The following ANKS3 variants were observed in gnomAD, a reference collection of about 807,000 sequenced individuals.
ANKS3 encodes ankyrin repeat and SAM domain-containing protein 3.
In ANKS3, 62 loss-of-function variants were observed where a neutral mutation model predicts 80.7. The observed-to-expected ratio is 0.77, with a 90% CI of 0.63 to 0.95. The LOEUF is 0.95. Among genes scored for constraint, ANKS3 ranks in the 40% least tolerant of loss-of-function variants. ANKS3 has a pLI of 0.00. For synonymous variants in ANKS3, 489 were observed against 355.3 expected, an observed-to-expected ratio of 1.38 and a Z score of -4.23; for missense variants, 1,150 against 883.6, an observed-to-expected ratio of 1.30 and a Z score of -3.82.
chr16:4,729,106 T>A (rs959869559), intron 3 of ANKS3, among the ~76,000 whole-genome samples: 1 of 152,154 alleles, frequency 6.6e-6, no homozygotes, highest in Non-Finnish European at 1.5e-5. Flanking sequence ...GAGACGACCC[T>A]TTTCCAAAAA....
At chr16:4,730,658 A>T (rs2081568086) in intron 2 of ANKS3, among the ~76,000 whole-genome samples, 2 of 152,096 alleles carry the variant, frequency 1.3e-5, no homozygotes, top group South Asian at 2.1e-4. Context: ...CTTGAGGTCA[A>T]GAGTTCAAGA....
chr16:4,701,596 C>G, intron 9 of ANKS3, 53 bp from the exon 10 acceptor site: 1 of 1,515,160 alleles, frequency 6.6e-7, no homozygotes. Context: ...AGGTGCTGCG[C>G]ATGGGCGTGC....
At position 4,699,134 on chromosome 16, in the gene ANKS3, G is replaced by C; in HGVS notation, c.1327C>G (p.Leu443Val). The change falls in exon 12 of 18, where the codon CTG (leucine) becomes GTG (valine). Residue 443 changes from leucine (L) to valine (V), a missense_variant. Coordinates refer to ENST00000304283, the MANE Select transcript of ANKS3 (RefSeq NM_133450.4). ...LLEQIGCLKY[L>V]QVFEEQDVDL... is the part of the protein sequence containing the mutation. The stretch of plus-strand genomic sequence containing the variant: ...ACGTCCTGCTCCTCAAACACCTGCA[G>C]GTACTTCAGACACCCGATCTGCTCC... 5 of 1,614,150 alleles carry C rather than the reference G, an allele frequency of 3.1e-6. No homozygotes were observed. Among genetic ancestry groups the C allele is most frequent in the Non-Finnish European group, 4.2e-6 (5 of 1,180,040 alleles).
In ANKS3 at chr16:4,705,146, C is replaced by A. The variant is rs2080116646; in HGVS notation, c.817G>T (p.Ala273Ser). Reference sequence around the variant, plus strand: ...CCCAGGCCAATGCCTGTGATCCTGGCCAGGGCTCGCGGTCCCTCGTGGATG... The same window carrying A: ...CCCAGGCCAATGCCTGTGATCCTGGACAGGGCTCGCGGTCCCTCGTGGATG... ...VSIHEGPRAL[A>S]RITGIGLGGR... The change falls in exon 8 of 18, where the codon GCC (alanine) becomes TCC (serine). Residue 273 changes from alanine to serine, a missense_variant. Physicochemically the swap from Ala to Ser is moderately conservative, Grantham distance 99. Transcript: ENST00000304283. 3 of 1,613,476 alleles carry A rather than the reference C, an allele frequency of 1.9e-6. No individual in the cohort carries two copies. The highest frequency in any genetic ancestry group is 2.5e-6 in the Non-Finnish European group (3 of 1,180,050).
At chr16:4,713,864 C>G (rs541199245) in intron 7 of ANKS3, among the ~76,000 whole-genome samples, 187 bp downstream of exon 7, 2 of 152,350 alleles carry the variant, frequency 1.3e-5, no homozygotes, top group South Asian at 4.1e-4. Context: ...CACTCTCCAT[C>G]GTAACCATCC....
intron 7 of ANKS3, among the ~76,000 whole-genome samples, chr16:4,705,600 G>C (rs532222315): frequency 6.6e-6 from 1 of 152,090 alleles, no homozygotes; most frequent in Non-Finnish European, 1.5e-5. Flanking sequence ...AAGTAGCTGC[G>C]GTTACAGATG....
intron 11 of ANKS3, chr16:4,700,024 G>C (rs914358351): frequency 1.8e-4 from 28 of 152,504 alleles, no homozygotes; most frequent in Admixed American, 1.8e-3. Context: ...ACCGAGACGT[G>C]TGCCTGCTCA....
At chr16:4,708,235 CAT>C (rs1202110868) in intron 7 of ANKS3, among the ~76,000 whole-genome samples, 1 of 152,028 alleles carries the variant, frequency 6.6e-6, no homozygotes, top group African/African-American at 2.4e-5. Context: ...ATCAGAATAA[CAT>C]GAGAAATTAA....
At chr16:4,726,472 G>T (rs2081359080) in intron 5 of ANKS3, among the ~76,000 whole-genome samples, 187 bp downstream of exon 5, 1 of 152,236 alleles carries the variant, frequency 6.6e-6, no homozygotes, top group Non-Finnish European at 1.5e-5. Context: ...AGGGCTTGAA[G>T]AGATGCATCT....
In ANKS3 at chr16:4,701,154, T is replaced by A. The variant is rs376850764; in HGVS notation, c.1120-20A>T. 36 of 1,613,420 alleles carry A rather than the reference T, an allele frequency of 2.2e-5. No homozygotes were observed. The highest frequency in any genetic ancestry group is 3.0e-5 in the Non-Finnish European group (35 of 1,179,896). On this transcript the variant is annotated intron_variant, in intron 10 of 17. Coordinates refer to ENST00000304283, the MANE Select transcript of ANKS3 (RefSeq NM_133450.4). ...CGAGTCCTGCAGTGAGAGGCGTGCA[T>A]CTGAAAGAGTGCGCGGGCTAACTTG...
At chr16:4,700,206 A>T (rs183256517) in intron 11 of ANKS3, 2 of 153,088 alleles carry the variant, frequency 1.3e-5, no homozygotes, top group Non-Finnish European at 2.9e-5. Flanking sequence ...TCACGATGTC[A>T]GGAATTTGAG....
intron 6 of ANKS3, among the ~76,000 whole-genome samples, chr16:4,722,733 C>A (rs1191277341): frequency 2.0e-5 from 3 of 151,532 alleles, no homozygotes; most frequent in Non-Finnish European, 4.4e-5. Flanking sequence ...GCCTGGGCAA[C>A]ATGGTGAAAC....
chr16:4,719,331 T>G (rs1198680974), intron 6 of ANKS3, among the ~76,000 whole-genome samples: 1 of 152,150 alleles, frequency 6.6e-6, no homozygotes, highest in Non-Finnish European at 1.5e-5. Flanking sequence ...AGACTCTGTC[T>G]CAAAAAGAAA....
intron 7 of ANKS3, among the ~76,000 whole-genome samples, chr16:4,706,152 G>C (rs1038397663): frequency 1.3e-5 from 2 of 151,644 alleles, no homozygotes; most frequent in Non-Finnish European, 2.9e-5. Flanking sequence ...CCTCAGCCTC[G>C]CAAAGTGCTG....
At chr16:4,699,861 T>A (rs2079803194) in intron 11 of ANKS3, 2 of 152,326 alleles carry the variant, frequency 1.3e-5, no homozygotes. Flanking sequence ...TTCATTTCAT[T>A]TACTTTTCAA....
chr16:4,704,977 G>C, intron 8 of ANKS3, 118 bp downstream of exon 8: 1 of 1,371,520 alleles, frequency 7.3e-7, no homozygotes, highest in East Asian at 2.3e-5. Flanking sequence ...CACCTGTCCC[G>C]CTGCCACCTG....
chr16:4,719,961 A>T (rs2081002185), intron 6 of ANKS3, among the ~76,000 whole-genome samples: 1 of 150,888 alleles, frequency 6.6e-6, no homozygotes, highest in African/African-American at 2.4e-5. Context: ...CAGGAGTTCG[A>T]GACCAGCCTG....
At chr16:4,698,086 T>C (rs750605716) in intron 14 of ANKS3, 24 bp from the exon 15 acceptor site, 1 of 1,587,228 alleles carries the variant, frequency 6.3e-7, no homozygotes, top group Non-Finnish European at 8.6e-7. Context: ...AAACAAATAT[T>C]GGTGAGAGCA....
At chr16:4,726,550 G>T in intron 5 of ANKS3, 109 bp downstream of exon 5, 1 of 1,205,188 alleles carries the variant, frequency 8.3e-7, no homozygotes, top group Non-Finnish European at 1.2e-6. Flanking sequence ...AGCCTCTCGT[G>T]CCGAAGCAGG....
Sources: allele counts gnomAD v4.1 joint callset (sites outside exome capture counted in the v4.1 genomes callset), GRCh38; gene constraint gnomAD v4.1.1; transcripts MANE v1.5; gene names NCBI Gene and HGNC (gene_info 2026-07-23, HGNC 2026-07-21).